The following PIGK variants were observed in gnomAD, a reference collection of about 807,000 sequenced individuals.
The protein encoded by PIGK is GPI-anchor transamidase.
Under a neutral mutation model 50.6 loss-of-function variants are expected in PIGK, and 42 were observed. The observed-to-expected ratio is 0.83, with a 90% CI of 0.65 to 1.07. The LOEUF is 1.07. Ranked by LOEUF, PIGK falls within the 50% of genes least tolerant of loss-of-function variation. The pLI, the probability that PIGK is intolerant of heterozygous loss-of-function variation, is 0.00. For missense variants in PIGK, 448 were observed against 488.7 expected (o/e 0.92, Z 0.78); for synonymous variants, 151 against 156.0 (o/e 0.97, Z 0.24).
At chr1:77,133,946 C>T (rs1462633178) in intron 9 of PIGK, among the ~76,000 whole-genome samples, 2 of 152,168 alleles carry the variant, frequency 1.3e-5, no homozygotes, top group African/African-American at 4.8e-5. Context: ...TCACTCTGTC[C>T]CCGTTAGTAA....
chr1:77,107,452 G>C (rs998240691), intron 10 of PIGK, among the ~76,000 whole-genome samples: 7 of 152,306 alleles, frequency 4.6e-5, no homozygotes, highest in Middle Eastern at 6.8e-3. Context: ...TGGTCTGAGA[G>C]ACACTTAGTT....
intron 3 of PIGK, among the ~76,000 whole-genome samples, chr1:77,187,910 T>C (rs1442165782): frequency 6.6e-6 from 1 of 152,234 alleles, no homozygotes; most frequent in Non-Finnish European, 1.5e-5. Flanking sequence ...TATGCCTGTC[T>C]TTACTGCAAT....
intron 10 of PIGK, among the ~76,000 whole-genome samples, chr1:77,108,058 GTC>G (rs1300356466): frequency 1.3e-5 from 2 of 152,134 alleles, no homozygotes; most frequent in African/African-American, 4.8e-5. Context: ...GCCAGTCTGT[GTC>G]TTTTAATTGG....
At chr1:77,183,841 T>C (rs1025281103) in intron 3 of PIGK, among the ~76,000 whole-genome samples, 1 of 152,048 alleles carries the variant, frequency 6.6e-6, no homozygotes, top group Non-Finnish European at 1.5e-5. Flanking sequence ...ACCCAAAGGA[T>C]TAGGGAGATT....
At chr1:77,218,142 G>A (rs533256811) in intron 1 of PIGK, among the ~76,000 whole-genome samples, 1 of 152,244 alleles carries the variant, frequency 6.6e-6, no homozygotes, top group South Asian at 2.1e-4. Flanking sequence ...GTGCCCAGGT[G>A]GTGGGGAGAA....
chr1:77,120,867 G>A (rs1426959408), intron 10 of PIGK, among the ~76,000 whole-genome samples: 1 of 152,028 alleles, frequency 6.6e-6, no homozygotes, highest in Non-Finnish European at 1.5e-5. Flanking sequence ...CTCTTGTACT[G>A]CCAAAAAAAT....
chr1:77,154,161 A>G, intron 9 of PIGK: 1 of 464,146 alleles, frequency 2.2e-6, no homozygotes, highest in Admixed American at 3.9e-5. Flanking sequence ...TGGGATAGCC[A>G]GTTATGGGAA....
At chr1:77,210,383 C>A in intron 2 of PIGK, 53 bp downstream of exon 2, 1 of 1,020,736 alleles carries the variant, frequency 9.8e-7, no homozygotes, top group Non-Finnish European at 1.4e-6. Flanking sequence ...ACACAAATTT[C>A]TCAGATACAT....
chr1:77,177,362 G>C (rs1341243282), intron 3 of PIGK, among the ~76,000 whole-genome samples: 1 of 152,154 alleles, frequency 6.6e-6, no homozygotes, highest in Non-Finnish European at 1.5e-5. Context: ...CCAGAATAAG[G>C]GCAAGGAACA....
intron 6 of PIGK, among the ~76,000 whole-genome samples, chr1:77,163,200 C>A (rs556382908): frequency 6.6e-6 from 1 of 152,102 alleles, no homozygotes; most frequent in Admixed American, 6.5e-5. Flanking sequence ...TATTTTGTAG[C>A]ATCATTGTAT....
rs577215777 is a variant in PIGK at position 77,185,771 on chromosome 1, T to TG, written c.240-16377dup. On this transcript the variant is annotated intron_variant, in intron 3 of 10. Transcript: ENST00000370812. ...GATCCAATGGTGCTTGAGGTGTCAG[T>TG]GGCAAGCAGGGATGCTGTTTGGAGC... Among the ~76,000 whole-genome samples the TG allele has an allele frequency of 1.0e-3, 157 of 152,306 alleles. 1 individual carries two copies. Among genetic ancestry groups the TG allele is most frequent in the African/African-American group, 3.6e-3 (148 of 41,568 alleles).
chr1:77,113,567 G>T (rs1653900378), intron 10 of PIGK, among the ~76,000 whole-genome samples: 1 of 152,036 alleles, frequency 6.6e-6, no homozygotes, highest in South Asian at 2.1e-4. Flanking sequence ...ACAGTAGTGG[G>T]AAAGAGATTT....
At chr1:77,118,412 G>A (rs994555517) in intron 10 of PIGK, among the ~76,000 whole-genome samples, 5 of 151,242 alleles carry the variant, frequency 3.3e-5, no homozygotes, top group Admixed American at 3.3e-4. Context: ...GTTAATTTAT[G>A]GTTTTTTTGT....
intron 10 of PIGK, among the ~76,000 whole-genome samples, chr1:77,093,285 A>C (rs985165530): frequency 4.6e-5 from 7 of 151,884 alleles, no homozygotes; most frequent in Non-Finnish European, 7.4e-5. Context: ...TCCCCACCCC[A>C]CAAGTGTCAC....
chr1:77,149,964 A>G (rs779996008), intron 9 of PIGK, among the ~76,000 whole-genome samples: 3 of 152,180 alleles, frequency 2.0e-5, no homozygotes, highest in Non-Finnish European at 2.9e-5. Context: ...CTATACAAAT[A>G]CATGGAAATA....
At position 77,169,300 on chromosome 1, in the gene PIGK, A is replaced by G. The variant is rs779607756; in HGVS notation, c.335T>C (p.Val112Ala). 5.0e-6 allele frequency: 8 copies of G among 1,590,976 alleles called. No homozygotes were observed. The highest frequency in any genetic ancestry group is 8.6e-7 in the Non-Finnish European group (1 of 1,166,266). ...VFSHKNMELN[V>A]YGDDVEVDYR... ...ATCCACTTCCACATCATCTCCATAC[A>G]CATTTAGTTCCATATTCTTGTGACT... Residue 112 changes from valine to alanine, a missense_variant, in exon 4 of 11, where the codon GTG (valine) becomes GCG (alanine). By Grantham distance (64) the Val-to-Ala change is moderately conservative. Transcript: ENST00000370812.
At chr1:77,100,469 A>G (rs1653516579) in intron 10 of PIGK, among the ~76,000 whole-genome samples, 1 of 152,178 alleles carries the variant, frequency 6.6e-6, no homozygotes, top group African/African-American at 2.4e-5. Context: ...AGATTCCCTC[A>G]ACCTGGGATA....
chr1:77,168,120 T>TA (rs1355936859), intron 4 of PIGK, among the ~76,000 whole-genome samples: 1 of 152,192 alleles, frequency 6.6e-6, no homozygotes, highest in Non-Finnish European at 1.5e-5. Flanking sequence ...CTTTAACATG[T>TA]AAAAAATTCA....
At chr1:77,173,696 C>CT (rs1655416674) in intron 3 of PIGK, among the ~76,000 whole-genome samples, 1 of 152,308 alleles carries the variant, frequency 6.6e-6, no homozygotes, top group Admixed American at 6.5e-5. Flanking sequence ...GTGTCCTTGT[C>CT]TTTCTGTATG....
Sources: allele counts gnomAD v4.1 joint callset (sites outside exome capture counted in the v4.1 genomes callset), GRCh38; gene constraint gnomAD v4.1.1; transcripts MANE v1.5; gene names NCBI Gene and HGNC (gene_info 2026-07-23, HGNC 2026-07-21).